EXOC4: variants seen among roughly 807,000 people sequenced by gnomAD.
EXOC4 encodes the protein exocyst complex component 4, also known as SEC8-like 1.
A neutral mutation model predicts 107.2 loss-of-function variants in EXOC4; 71 were observed. That is an observed-to-expected ratio of 0.66 (90% CI 0.55 to 0.81). The LOEUF (loss-of-function observed/expected upper bound fraction) is 0.81, where lower values mean the gene tolerates loss of function less well. Ranked by LOEUF, EXOC4 falls within the 30% of genes least tolerant of loss-of-function variation. The pLI, the probability that EXOC4 is intolerant of heterozygous loss-of-function variation, is 0.00. For missense variants in EXOC4, 1,108 were observed against 1,189.6 expected (o/e 0.93, Z 1.01); for synonymous variants, 456 against 441.2 (o/e 1.03, Z -0.42).
intron 5 of EXOC4, among the ~76,000 whole-genome samples, chr7:133,346,918 C>G (rs1026634595): frequency 6.6e-6 from 1 of 152,012 alleles, no homozygotes; most frequent in African/African-American, 2.4e-5. Flanking sequence ...TGAAATAATG[C>G]AGTTTATGAA....
At chr7:133,961,130 G>A (rs898830380) in intron 14 of EXOC4, among the ~76,000 whole-genome samples, 9 of 152,084 alleles carry the variant, frequency 5.9e-5, no homozygotes, top group African/African-American at 2.2e-4. Context: ...GTAGATTAGA[G>A]TAATGCAATG....
intron 10 of EXOC4, among the ~76,000 whole-genome samples, chr7:133,734,046 C>T (rs12539993): frequency 0.48 from 72,281 of 152,076 alleles, 17,510 homozygotes; most frequent in South Asian, 0.62. Context: ...TGTCACTGCT[C>T]AGACTTTATT....
chr7:133,672,981 C>CTAG (rs1793980713), intron 10 of EXOC4, among the ~76,000 whole-genome samples: 2 of 152,058 alleles, frequency 1.3e-5, no homozygotes. Flanking sequence ...TCTTTGAGGT[C>CTAG]CAAGCACTGC....
intron 1 of EXOC4, 54 bp downstream of exon 1, chr7:133,253,241 G>A (rs972655101): frequency 5.0e-6 from 8 of 1,588,136 alleles, no homozygotes; most frequent in African/African-American, 4.1e-5. Flanking sequence ...CTCGACCTCC[G>A]CTTTGGAAGG....
intron 9 of EXOC4, among the ~76,000 whole-genome samples, chr7:133,506,159 A>G (rs1267135512): frequency 1.3e-5 from 2 of 152,138 alleles, no homozygotes; most frequent in Non-Finnish European, 2.9e-5. Context: ...GTTTTAGAAT[A>G]CCTGAATAAA....
intron 10 of EXOC4, among the ~76,000 whole-genome samples, chr7:133,811,886 A>G (rs942985538): frequency 2.0e-5 from 3 of 152,232 alleles, no homozygotes; most frequent in Admixed American, 6.5e-5. Flanking sequence ...ATGGATTATG[A>G]TCAAAGGACC....
intron 9 of EXOC4, among the ~76,000 whole-genome samples, chr7:133,589,201 A>G (rs750425163): frequency 1.1e-4 from 17 of 152,116 alleles, no homozygotes; most frequent in Admixed American, 4.6e-4. Context: ...CTGAAGAAAA[A>G]TGGGTGGCCT....
intron 11 of EXOC4, among the ~76,000 whole-genome samples, chr7:133,821,126 T>C (rs1797510759): frequency 6.6e-6 from 1 of 152,204 alleles, no homozygotes; most frequent in South Asian, 2.1e-4. Context: ...ATAGCAGTTA[T>C]AATAGTAGAT....
intron 10 of EXOC4, among the ~76,000 whole-genome samples, chr7:133,643,857 T>C (rs1013054808): frequency 6.6e-6 from 1 of 152,254 alleles, no homozygotes; most frequent in Non-Finnish European, 1.5e-5. Flanking sequence ...TTTCTGTAAC[T>C]GGTCACGTGG....
chr7:133,521,531 G>A (rs1469918464), intron 9 of EXOC4, among the ~76,000 whole-genome samples: 1 of 152,024 alleles, frequency 6.6e-6, no homozygotes, highest in Non-Finnish European at 1.5e-5. Flanking sequence ...TGGGAGAAAT[G>A]AAGGATAACC....
chr7:133,631,737 A>G (rs1353700625), intron 10 of EXOC4, among the ~76,000 whole-genome samples: 1 of 152,052 alleles, frequency 6.6e-6, no homozygotes, highest in Non-Finnish European at 1.5e-5. Context: ...TAACATACAG[A>G]ATTATAGATT....
intron 16 of EXOC4, 75 bp from the exon 17 acceptor site, chr7:134,007,601 T>C: frequency 7.2e-7 from 1 of 1,396,046 alleles, no homozygotes; most frequent in Non-Finnish European, 9.6e-7. Flanking sequence ...ACAGCAATTC[T>C]GTGTGCAAGT....
At chr7:134,024,266 C>T (rs4728306) in intron 17 of EXOC4, among the ~76,000 whole-genome samples, 27,221 of 151,954 alleles carry the variant, frequency 0.18, 3,286 homozygotes, top group East Asian at 0.43. Context: ...CTGGCTAACG[C>T]GGTGAAACCC....
chr7:133,700,627 T>G (rs1198282868), intron 10 of EXOC4, among the ~76,000 whole-genome samples: 1 of 152,180 alleles, frequency 6.6e-6, no homozygotes, highest in Non-Finnish European at 1.5e-5. Flanking sequence ...GAGGTCTTAG[T>G]TAAGATGTAT....
At chr7:133,356,670 C>T in intron 6 of EXOC4, 97 bp downstream of exon 6, 1 of 1,420,066 alleles carries the variant, frequency 7.0e-7, no homozygotes, top group Non-Finnish European at 9.6e-7. Flanking sequence ...ATGTTGTTTT[C>T]TTGAACTTAG....
chr7:134,032,534 C>T (rs1365569283), intron 17 of EXOC4, among the ~76,000 whole-genome samples: 2 of 152,312 alleles, frequency 1.3e-5, no homozygotes, highest in East Asian at 3.9e-4. Flanking sequence ...TCATTATCAC[C>T]CTCACAGCAG....
At chr7:133,421,285 ATGATTGTTCCT>A (rs111466078) in intron 7 of EXOC4, among the ~76,000 whole-genome samples, 1 of 152,166 alleles carries the variant, frequency 6.6e-6, no homozygotes, top group African/African-American at 2.4e-5. Flanking sequence ...TCCAGAAGTC[ATGATTGTTCCT>A]TGATTGTGTC....
intron 10 of EXOC4, 41 bp from the exon 11 acceptor site, chr7:133,817,284 T>C: frequency 7.1e-7 from 1 of 1,412,534 alleles, no homozygotes; most frequent in Non-Finnish European, 9.9e-7. Flanking sequence ...TATAACATTT[T>C]CCTCATAAAT....
At chr7:133,858,820 T>G (rs897837649) in intron 11 of EXOC4, among the ~76,000 whole-genome samples, 1 of 152,186 alleles carries the variant, frequency 6.6e-6, no homozygotes, top group Non-Finnish European at 1.5e-5. Flanking sequence ...CAAATCAATG[T>G]TACAGTCTTA....
Sources: allele counts gnomAD v4.1 joint callset (sites outside exome capture counted in the v4.1 genomes callset), GRCh38; gene constraint gnomAD v4.1.1; transcripts MANE v1.5; gene names NCBI Gene and HGNC (gene_info 2026-07-23, HGNC 2026-07-21).